Variants in PEX3 observed in about 807,000 individuals in gnomAD.
The protein encoded by PEX3 is peroxin-3.
A neutral mutation model predicts 55.8 loss-of-function variants in PEX3; 30 were observed. That is an observed-to-expected ratio of 0.54 (90% CI 0.40 to 0.73). The LOEUF is 0.73. Ranked by LOEUF, PEX3 falls within the 30% of genes least tolerant of loss-of-function variation. The probability of loss-of-function intolerance (pLI) is 0.00; values close to 1 mark genes in which losing one functional copy is unlikely to be tolerated. For synonymous variants in PEX3, 135 were observed against 148.4 expected, an observed-to-expected ratio of 0.91 and a Z score of 0.66; for missense variants, 351 against 432.8, an observed-to-expected ratio of 0.81 and a Z score of 1.68.
At chr6:143,481,007 C>A (rs1780230861) in intron 10 of PEX3, among the ~76,000 whole-genome samples, 1 of 151,606 alleles carries the variant, frequency 6.6e-6, no homozygotes, top group Admixed American at 6.6e-5. Context: ...GTGAGACCCC[C>A]CTGCCCCCCC....
chr6:143,469,870 G>T (rs1780046155), intron 4 of PEX3, among the ~76,000 whole-genome samples: 2 of 152,138 alleles, frequency 1.3e-5, no homozygotes, highest in South Asian at 2.1e-4. Context: ...GTGAGAAAGG[G>T]ATCCAATTTC....
Position 143,453,961 on chromosome 6 carries a change from A to T in PEX3, c.73+2846A>T, listed in dbSNP as rs1279401168. ...GTCTCCTTTACACTCTGAAAAATTA[A>T]GGACCCTCAAAAGCTTTCTAAATTT... On this transcript the variant is annotated intron_variant, in intron 1 of 11. Coordinates refer to ENST00000367591, the MANE Select transcript of PEX3 (RefSeq NM_003630.3). The surrounding 1 kb of genome is among the most constrained non-coding windows in gnomAD (Gnocchi z 4.6). Among the ~76,000 whole-genome samples, 7 of 152,222 alleles carry T rather than the reference A, an allele frequency of 4.6e-5. No individual in the cohort carries two copies. Among genetic ancestry groups the T allele is most frequent in the Non-Finnish European group, 1.0e-4 (7 of 68,034 alleles).
rs1780197773 is a variant in PEX3, at chr6:143,479,302, G to C, written c.941+104G>C. 2.3e-6 allele frequency: 2 copies of C among 868,080 alleles called. No homozygotes were observed. The highest frequency in any genetic ancestry group is 3.3e-5 in the African/African-American group (2 of 59,708). 53.8% of individuals were successfully genotyped at this position (868,080 alleles called of 1,614,324 possible). A position where few individuals can be genotyped will look rare whatever the true frequency, so the allele number is the denominator to read the frequency against. On this transcript the variant is annotated intron_variant, in intron 10 of 11. Coordinates refer to ENST00000367591, the MANE Select transcript of PEX3 (RefSeq NM_003630.3). This position sits in a 1 kb window ranked among gnomAD's most constrained non-coding sequence, Gnocchi z 4.6. The stretch of plus-strand genomic sequence containing the variant: ...ACAACAACAAACCTATTAAATTTGA[G>C]TGCCTCATTTTTTAACAAATTAAAC...
chr6:143,489,218 G>C lies in PEX3; in HGVS notation c.1114G>C (p.Glu372Gln), dbSNP rs771501604. Reference protein sequence around the residue: ...YEAFSTPQQLEK With the variant: ...YEAFSTPQQLQK Reference sequence around the variant, plus strand: ...AGCTTTTAGTACCCCTCAGCAACTGGAGAAATGATTTTTCCTTCAAGAAAA... The same window carrying C: ...AGCTTTTAGTACCCCTCAGCAACTGCAGAAATGATTTTTCCTTCAAGAAAA... The change falls in exon 12 of 12, where the codon GAG becomes CAG. Residue 372 changes from glutamate to glutamine, a missense_variant. Glu to Gln is a conservative substitution (Grantham distance 29). Transcript: ENST00000367591. The surrounding 1 kb of genome is among the most constrained non-coding windows in gnomAD (Gnocchi z 5.5). 45 of 1,589,508 alleles carry C rather than the reference G, an allele frequency of 2.8e-5. No individual in the cohort carries two copies. Among genetic ancestry groups the C allele is most frequent in the Non-Finnish European group, 3.9e-5 (45 of 1,157,882 alleles).
At position 143,479,292 on chromosome 6, in the gene PEX3, T is replaced by C. The variant is rs936945676; in HGVS notation, c.941+94T>C. ...GTTCCAGATAACAACAACAAACCTA[T>C]TAAATTTGAGTGCCTCATTTTTTAA... On this transcript the variant is annotated intron_variant, in intron 10 of 11. Transcript: ENST00000367591. This position sits in a 1 kb window ranked among gnomAD's most constrained non-coding sequence, Gnocchi z 4.6. The C allele has an allele frequency of 1.0e-6, 1 of 995,566 alleles. No homozygotes were observed. Among genetic ancestry groups the C allele is most frequent in the Non-Finnish European group, 1.6e-6 (1 of 632,188 alleles). The allele number at this position is 995,566 out of a possible 1,614,324, so 61.7% of individuals were successfully genotyped here. A position where few individuals can be genotyped will look rare whatever the true frequency, so the allele number is the denominator to read the frequency against.
intron 1 of PEX3, among the ~76,000 whole-genome samples, chr6:143,452,941 C>T (rs1779795499): frequency 1.3e-5 from 2 of 152,176 alleles, no homozygotes; most frequent in South Asian, 4.1e-4. Flanking sequence ...TAAGCTCTTC[C>T]TATTTAAGCA....
Position 143,468,181 on chromosome 6 carries a change from C to A in PEX3, c.331+16C>A. 6.4e-7 allele frequency: 1 copy of A among 1,554,098 alleles called. No individual in the cohort carries two copies. Among genetic ancestry groups the A allele is most frequent in the South Asian group, 1.1e-5 (1 of 89,188 alleles). On this transcript the variant is annotated intron_variant, in intron 4 of 11. Transcript: ENST00000367591. Reference sequence around the variant, plus strand: ...AAGATAATAAGTAAGCCTGCATATTCTGTGTGACAGCACATCCTTAAAATA... The same window carrying A: ...AAGATAATAAGTAAGCCTGCATATTATGTGTGACAGCACATCCTTAAAATA...
intron 9 of PEX3, among the ~76,000 whole-genome samples, chr6:143,477,889 G>T (rs141718099): frequency 7.4e-4 from 112 of 152,008 alleles, no homozygotes; most frequent in African/African-American, 2.5e-3. Context: ...ATAAAGTTCA[G>T]CCCAAATTAC....
At chr6:143,469,927 G>A (rs1051225927) in intron 4 of PEX3, among the ~76,000 whole-genome samples, 2 of 152,116 alleles carry the variant, frequency 1.3e-5, no homozygotes, top group African/African-American at 4.8e-5. Flanking sequence ...GTTCCCTGTA[G>A]TTCCTTTCAG....
intron 1 of PEX3, among the ~76,000 whole-genome samples, chr6:143,456,149 C>T (rs1476516829): frequency 6.6e-6 from 1 of 151,938 alleles, no homozygotes; most frequent in African/African-American, 2.4e-5. Context: ...TCATATAATC[C>T]CAGTCTTTCA....
rs114285927 is a variant in PEX3 at position 143,458,855 on chromosome 6, C to G, written c.74-230C>G. On this transcript the variant is annotated intron_variant, in intron 1 of 11. Transcript: ENST00000367591. The surrounding 1 kb of genome is among the most constrained non-coding windows in gnomAD (Gnocchi z 6.1). ...CAGACTTTTTAGATTTAATTCCTTT[C>G]CCTTCCTCAAACCTGGTCCTTATGT... Among the ~76,000 whole-genome samples the G allele has an allele frequency of 7.8e-3, 1,195 of 152,306 alleles. 7 individuals are homozygous for G. The highest frequency in any genetic ancestry group is 0.027 in the African/African-American group (1,122 of 41,568).
At position 143,451,268 on chromosome 6, in the gene PEX3, A is replaced by G. The variant is rs1272646304; in HGVS notation, c.73+153A>G. On this transcript the variant is annotated intron_variant, in intron 1 of 11. Coordinates refer to ENST00000367591, the MANE Select transcript of PEX3 (RefSeq NM_003630.3). This position sits in a 1 kb window ranked among gnomAD's most constrained non-coding sequence, Gnocchi z 4.1. ...ATGAAAAGGGAGGTGGCCAACCTCCAGGGTTCTCCCATCTCTGCAGTTGAG... is the reference window on the plus strand; with the variant it reads ...ATGAAAAGGGAGGTGGCCAACCTCCGGGGTTCTCCCATCTCTGCAGTTGAG... Among the ~76,000 whole-genome samples the G allele has an allele frequency of 6.6e-6, 1 of 152,142 alleles. No individual in the cohort carries two copies. The highest frequency in any genetic ancestry group is 1.9e-4 in the East Asian group (1 of 5,202).
Position 143,483,339 on chromosome 6 carries a change from T to C in PEX3, c.942-1813T>C, listed in dbSNP as rs1289127693. 6.6e-6 allele frequency among the ~76,000 whole-genome samples: 1 copy of C among 152,148 alleles called. No homozygotes were observed. Among genetic ancestry groups the C allele is most frequent in the East Asian group, 1.9e-4 (1 of 5,198 alleles). ...TTATAAAGGAGAAGAACACTGAACG[T>C]ATAATAGAAAAATTTAAACAAAAGT... On this transcript the variant is annotated intron_variant, in intron 10 of 11. Coordinates refer to ENST00000367591, the MANE Select transcript of PEX3 (RefSeq NM_003630.3). This position sits in a 1 kb window ranked among gnomAD's most constrained non-coding sequence, Gnocchi z 4.3.
Position 143,479,272 on chromosome 6 carries a change from A to T in PEX3, c.941+74A>T. ...GGTGCTTTGCTTGTCTTTTTGTTCC[A>T]GATAACAACAACAAACCTATTAAAT... On this transcript the variant is annotated intron_variant, in intron 10 of 11. Transcript: ENST00000367591. The surrounding 1 kb of genome is among the most constrained non-coding windows in gnomAD (Gnocchi z 4.6). 1.7e-6 allele frequency: 2 copies of T among 1,171,790 alleles called. No individual in the cohort carries two copies. Among genetic ancestry groups the T allele is most frequent in the Non-Finnish European group, 2.6e-6 (2 of 781,790 alleles). The allele number at this position is 1,171,790 out of a possible 1,614,324, so 72.6% of individuals were successfully genotyped here. A position where few individuals can be genotyped will look rare whatever the true frequency, so the allele number is the denominator to read the frequency against.
At position 143,451,047 on chromosome 6, in the gene PEX3, T is replaced by A; in HGVS notation, c.5T>A (p.Leu2Gln). The A allele has an allele frequency of 6.2e-7, 1 of 1,612,318 alleles. No individual in the cohort carries two copies. The highest frequency in any genetic ancestry group is 2.2e-5 in the East Asian group (1 of 44,870). Reference protein sequence around the residue: MLRSVWNFLKRH... With the variant: MQRSVWNFLKRH... The stretch of plus-strand genomic sequence containing the variant: ...CCACACCCCTAGGGCCTAAAGATGC[T>A]GAGGTCTGTATGGAATTTTCTGAAA... The change falls in exon 1 of 12, where the codon CTG becomes CAG. Residue 2 changes from leucine (L) to glutamine (Q), a missense_variant. Coordinates refer to ENST00000367591, the MANE Select transcript of PEX3 (RefSeq NM_003630.3). This position sits in a 1 kb window ranked among gnomAD's most constrained non-coding sequence, Gnocchi z 4.1.
rs1338533 is a variant in PEX3 at position 143,482,921 on chromosome 6, T to G, written c.942-2231T>G. On this transcript the variant is annotated intron_variant, in intron 10 of 11. Coordinates refer to ENST00000367591, the MANE Select transcript of PEX3 (RefSeq NM_003630.3). This position sits in a 1 kb window ranked among gnomAD's most constrained non-coding sequence, Gnocchi z 5.5. ...AGTAAAGAACTTTATATAAAAGAAG[T>G]CTAGGTTTGACTGTATAATTTTTAA... Among the ~76,000 whole-genome samples the G allele has an allele frequency of 0.32, 48,171 of 151,842 alleles. 8,745 individuals are homozygous for G. The highest frequency in any genetic ancestry group is 0.5 in the African/African-American group (20,729 of 41,406).
chr6:143,468,131 C>G lies in PEX3; in HGVS notation c.297C>G (p.Asn99Lys). 2 of 1,570,456 alleles carry G rather than the reference C, an allele frequency of 1.3e-6. No individual in the cohort carries two copies. Among genetic ancestry groups the G allele is most frequent in the Non-Finnish European group, 1.8e-6 (2 of 1,142,416 alleles). Residue 99 changes from asparagine (N) to lysine (K), a missense_variant, in exon 4 of 12, where the codon AAC becomes AAG. By Grantham distance (94) the Asn-to-Lys change is moderately conservative (BLOSUM62 0). Transcript: ENST00000367591. ...LTALLKNRPS[N>K]KLEIWEDLKI... is the part of the protein sequence containing the mutation. Reference sequence around the variant, plus strand: ...AAATTTTGTTCTTTAGGCCTTCAAACAAGCTAGAAATATGGGAGGATCTGA... The same window carrying G: ...AAATTTTGTTCTTTAGGCCTTCAAAGAAGCTAGAAATATGGGAGGATCTGA...
chr6:143,451,592 G>T lies in PEX3; in HGVS notation c.73+477G>T, dbSNP rs375882067. The stretch of plus-strand genomic sequence containing the variant: ...GTCGATTTGAATTTTTGAAAACAGC[G>T]CAGTTGTCCTAAAGGACTGAAAGAT... On this transcript the variant is annotated intron_variant, in intron 1 of 11. Transcript: ENST00000367591. This position sits in a 1 kb window ranked among gnomAD's most constrained non-coding sequence, Gnocchi z 4.1. Among the ~76,000 whole-genome samples, 32 of 152,138 alleles carry T rather than the reference G, an allele frequency of 2.1e-4. No homozygotes were observed. Among genetic ancestry groups the T allele is most frequent in the African/African-American group, 6.8e-4 (28 of 41,442 alleles).
rs1241356259 is a variant in PEX3 at position 143,458,566 on chromosome 6, T to G, written c.74-519T>G. Among the ~76,000 whole-genome samples, 1 of 152,094 alleles carries G rather than the reference T, an allele frequency of 6.6e-6. No individual in the cohort carries two copies. Among genetic ancestry groups the G allele is most frequent in the East Asian group, 1.9e-4 (1 of 5,198 alleles). Reference sequence around the variant, plus strand: ...ACAAAATGACCTGTTATCCCACCATTCAGCAATGATCATTGTTTGTTATAT... The same window carrying G: ...ACAAAATGACCTGTTATCCCACCATGCAGCAATGATCATTGTTTGTTATAT... On this transcript the variant is annotated intron_variant, in intron 1 of 11. Coordinates refer to ENST00000367591, the MANE Select transcript of PEX3 (RefSeq NM_003630.3). This position sits in a 1 kb window ranked among gnomAD's most constrained non-coding sequence, Gnocchi z 6.1.
Sources: allele counts gnomAD v4.1 joint callset (sites outside exome capture counted in the v4.1 genomes callset), GRCh38; gene constraint gnomAD v4.1.1; non-coding constraint Gnocchi (gnomAD v3.1); transcripts MANE v1.5; gene names NCBI Gene and HGNC (gene_info 2026-07-23, HGNC 2026-07-21).